The following WT1 variants were observed in gnomAD, a reference collection of about 807,000 sequenced individuals.
WT1 encodes Wilms tumor protein.
Under a neutral mutation model 60.8 loss-of-function variants are expected in WT1, and 8 were observed. The observed-to-expected ratio is 0.13, with a 90% CI of 0.08 to 0.24. The LOEUF is 0.24. WT1 is among the 10% of genes least tolerant of loss of function. The pLI, the probability that WT1 is intolerant of heterozygous loss-of-function variation, is 1.00. For synonymous variants in WT1, 312 were observed against 297.1 expected (o/e 1.05, Z -0.52); for missense variants, 568 against 711.8 (o/e 0.80, Z 2.30).
In WT1 at chr11:32,388,967, C is replaced by CT; in HGVS notation, c.*90dup. On this transcript the variant is annotated 3_prime_UTR_variant, in exon 10 of 10. Transcript: ENST00000452863. ...GATGAAGAAGATCAACTGAAGTTTC[C>CT]TTTTTAGTGAGGAGGAGTGGAGAGT... The CT allele has an allele frequency of 6.2e-7, 1 of 1,602,178 alleles. No individual in the cohort carries two copies. The highest frequency in any genetic ancestry group is 1.1e-5 in the South Asian group (1 of 90,244).
At chr11:32,398,854 T>C (rs962335683) in intron 6 of WT1, among the ~76,000 whole-genome samples, 1 of 150,104 alleles carries the variant, frequency 6.7e-6, no homozygotes, top group South Asian at 2.2e-4. Context: ...TCCAACTATA[T>C]GACATTCTGA....
At chr11:32,416,642 G>A in intron 4 of WT1, 102 bp from the exon 5 acceptor site, 1 of 1,398,070 alleles carries the variant, frequency 7.2e-7, no homozygotes, top group East Asian at 2.3e-5. Flanking sequence ...AATACACAGA[G>A]ACATCAAGCT....
At chr11:32,427,902 T>C in intron 3 of WT1, 54 bp downstream of exon 3, 1 of 1,538,598 alleles carries the variant, frequency 6.5e-7, no homozygotes, top group Non-Finnish European at 8.8e-7. Context: ...CGCCGGCTCA[T>C]GCGTCCCCTC....
Position 32,435,508 on chromosome 11 carries a change from GCGCTGCCTTGAA to G in WT1, c.-160_-149del. The G allele has an allele frequency of 7.7e-7, 1 of 1,303,924 alleles. No individual in the cohort carries two copies. The highest frequency in any genetic ancestry group is 1.0e-6 in the Non-Finnish European group (1 of 961,214). 80.8% of individuals were successfully genotyped at this position (1,303,924 alleles called of 1,614,324 possible). A position where few individuals can be genotyped will look rare whatever the true frequency, so the allele number is the denominator to read the frequency against. ...GGTTGCGGAGAGCCCCCGGGTGTGGGCGCTGCCTTGAACTCCTTACCCCAGCTGCCTGGCTGC... is the reference window on the plus strand; with the variant it reads ...GGTTGCGGAGAGCCCCCGGGTGTGGGCTCCTTACCCCAGCTGCCTGGCTGC... On this transcript the variant is annotated 5_prime_UTR_variant, in exon 1 of 10. Coordinates refer to ENST00000452863, the MANE Select transcript of WT1 (RefSeq NM_024426.6).
At chr11:32,409,084 CTT>C (rs1564982106) in intron 5 of WT1, among the ~76,000 whole-genome samples, 1 of 152,116 alleles carries the variant, frequency 6.6e-6, no homozygotes, top group East Asian at 1.9e-4. Flanking sequence ...CTTATCAGAT[CTT>C]ATTTGGGGAA....
At position 32,417,653 on chromosome 11, in the gene WT1, C is replaced by A; in HGVS notation, c.889G>T (p.Asp297Tyr). ...TGGGATGTCATTTGGTATAAATTGT[C>A]ACTGTTAGAAAAACATCTAGAGTTA... The change falls in exon 4 of 10, where the codon GAC becomes TAC. Residue 297 changes from aspartate (D) to tyrosine (Y), a missense_variant and splice_region_variant. By Grantham distance (160) the Asp-to-Tyr change is radical. Coordinates refer to ENST00000452863, the MANE Select transcript of WT1 (RefSeq NM_024426.6). The A allele has an allele frequency of 6.2e-7, 1 of 1,613,524 alleles. No homozygotes were observed. Among genetic ancestry groups the A allele is most frequent in the South Asian group, 1.1e-5 (1 of 91,058 alleles).
intron 5 of WT1, among the ~76,000 whole-genome samples, chr11:32,415,156 C>T (rs559627975): frequency 1.3e-5 from 2 of 152,172 alleles, no homozygotes; most frequent in Non-Finnish European, 2.9e-5. Flanking sequence ...TGTAACTGAA[C>T]AAACAAGCCC....
rs5030202 is a variant in WT1 at position 32,417,148 on chromosome 11, T to C, written c.965+429A>G. On this transcript the variant is annotated intron_variant, in intron 4 of 9. Coordinates refer to ENST00000452863, the MANE Select transcript of WT1 (RefSeq NM_024426.6). ...AAAACCCTGTTGGTGCAATCAGGTA[T>C]GGGCGTATCTGACTGTGAATTGCCC... Among the ~76,000 whole-genome samples, 981 of 152,300 alleles carry C rather than the reference T, an allele frequency of 6.4e-3. 7 individuals carry two copies. The highest frequency in any genetic ancestry group is 0.022 in the African/African-American group (931 of 41,560).
intron 5 of WT1, among the ~76,000 whole-genome samples, chr11:32,401,002 G>A (rs927639369): frequency 6.6e-6 from 1 of 152,130 alleles, no homozygotes; most frequent in Non-Finnish European, 1.5e-5. Context: ...CCACTCTTAG[G>A]GATATTCCCA....
chr11:32,388,832 G>C lies in WT1; in HGVS notation c.*226C>G. 1.4e-6 allele frequency: 1 copy of C among 696,022 alleles called. No homozygotes were observed. Among genetic ancestry groups the C allele is most frequent in the Non-Finnish European group, 2.3e-6 (1 of 430,024 alleles). The allele number at this position is 696,022 out of a possible 1,614,324, so 43.1% of individuals were successfully genotyped here. A position where few individuals can be genotyped will look rare whatever the true frequency, so the allele number is the denominator to read the frequency against. On this transcript the variant is annotated 3_prime_UTR_variant, in exon 10 of 10. Coordinates refer to ENST00000452863, the MANE Select transcript of WT1 (RefSeq NM_024426.6). ...GCTTTTAACTAACCAGACATTGTTA[G>C]CTGCTTCTCCAGGGCCTGTGAGTCA...
At chr11:32,430,656 A>G in intron 1 of WT1, 1 of 1,489,150 alleles carries the variant, frequency 6.7e-7, no homozygotes. Context: ...CCCACTCTCG[A>G]GACGTCCGTC....
Position 32,435,182 on chromosome 11 carries a change from C to G in WT1, c.179G>C (p.Gly60Ala). Residue 60 changes from glycine to alanine, a missense_variant, in exon 1 of 10, where the codon GGC becomes GCC. Around this residue, in one of 3 missense-constraint regions of WT1, gnomAD observed 523 missense variants for 565.1 expected, o/e 0.93. Coordinates refer to ENST00000452863, the MANE Select transcript of WT1 (RefSeq NM_024426.6). ...CCCGGACGCCCCGCGGCTCCTCCGG[C>G]CCTGGAGACGTTCAGCGCTGGCCTC... 2.0e-6 allele frequency: 3 copies of G among 1,525,370 alleles called. No individual in the cohort carries two copies. Among genetic ancestry groups the G allele is most frequent in the Non-Finnish European group, 2.6e-6 (3 of 1,141,632 alleles). The allele number at this position is 1,525,370 out of a possible 1,614,324, so 94.5% of individuals were successfully genotyped here. A position where few individuals can be genotyped will look rare whatever the true frequency, so the allele number is the denominator to read the frequency against.
intron 2 of WT1, 117 bp downstream of exon 2, chr11:32,428,380 T>C (rs1216492243): frequency 1.9e-6 from 3 of 1,541,182 alleles, no homozygotes; most frequent in East Asian, 4.7e-5. Flanking sequence ...TAATGATTTC[T>C]AAGGTCCTTT....
At chr11:32,422,296 T>A (rs1590383066) in intron 3 of WT1, among the ~76,000 whole-genome samples, 1 of 152,218 alleles carries the variant, frequency 6.6e-6, no homozygotes, top group South Asian at 2.1e-4. Context: ...TAATAAACAC[T>A]TGGTCAGCAC....
intron 5 of WT1, among the ~76,000 whole-genome samples, chr11:32,411,576 T>A (rs1852499594): frequency 6.6e-6 from 1 of 152,252 alleles, no homozygotes; most frequent in Non-Finnish European, 1.5e-5. Flanking sequence ...CTTCTCTGCG[T>A]AGTTGTATTT....
At chr11:32,414,950 C>A (rs1354863180) in intron 5 of WT1, among the ~76,000 whole-genome samples, 2 of 151,774 alleles carry the variant, frequency 1.3e-5, no homozygotes, top group Admixed American at 1.3e-4. Flanking sequence ...AATGAAAACT[C>A]TTCTCATTTT....
At chr11:32,406,340 C>G (rs530280710) in intron 5 of WT1, among the ~76,000 whole-genome samples, 67 of 152,220 alleles carry the variant, frequency 4.4e-4, no homozygotes, top group Non-Finnish European at 6.9e-4. Context: ...GTGTAGTTCA[C>G]AATAGGGTTC....
chr11:32,426,973 C>T (rs1409223499), intron 3 of WT1, among the ~76,000 whole-genome samples: 1 of 152,202 alleles, frequency 6.6e-6, no homozygotes, highest in Non-Finnish European at 1.5e-5. Context: ...CCTTCATGAC[C>T]TCACTACCTC....
At chr11:32,422,766 T>C (rs1852896223) in intron 3 of WT1, among the ~76,000 whole-genome samples, 1 of 152,242 alleles carries the variant, frequency 6.6e-6, no homozygotes, top group Non-Finnish European at 1.5e-5. Context: ...ATTGAATGAT[T>C]GCTTCCAGAG....
Sources: gnomAD v4.1 joint callset for allele counts (sites outside exome capture counted in the v4.1 genomes callset) on GRCh38, gnomAD v4.1.1 for gene constraint, gnomAD v4.1.1 regional missense constraint, MANE v1.5 for transcripts, NCBI Gene and HGNC (gene_info 2026-07-23, HGNC 2026-07-21) for gene names.